The following KAZN variants were observed in gnomAD, a reference collection of about 807,000 sequenced individuals.
The protein encoded by KAZN is kazrin, periplakin interacting protein.
Under a neutral mutation model 87.4 loss-of-function variants are expected in KAZN, and 40 were observed. The observed-to-expected ratio is 0.46, with a 90% CI of 0.36 to 0.60. The LOEUF (loss-of-function observed/expected upper bound fraction) is 0.60, where lower values mean the gene tolerates loss of function less well. Ranked by LOEUF, KAZN falls within the 20% of genes least tolerant of loss-of-function variation. The pLI is 0.00. For synonymous variants in KAZN, 466 were observed against 458.3 expected, an observed-to-expected ratio of 1.02 and a Z score of -0.22; for missense variants, 898 against 1,073.9, an observed-to-expected ratio of 0.84 and a Z score of 2.29.
intron 1 of KAZN, among the ~76,000 whole-genome samples, chr1:14,647,078 G>A (rs942565595): frequency 1.3e-5 from 2 of 152,176 alleles, no homozygotes; most frequent in African/African-American, 2.4e-5. Flanking sequence ...ACAATAGGCC[G>A]ACATTTTACT....
intron 1 of KAZN, among the ~76,000 whole-genome samples, chr1:13,897,063 A>C (rs1294039095): frequency 6.6e-6 from 1 of 152,064 alleles, no homozygotes; most frequent in Non-Finnish European, 1.5e-5. Flanking sequence ...TGTGAGCTTC[A>C]AACCAAAGGT....
chr1:14,688,482 G>A (rs1348044697), intron 1 of KAZN, among the ~76,000 whole-genome samples: 1 of 152,260 alleles, frequency 6.6e-6, no homozygotes, highest in Admixed American at 6.5e-5. Context: ...AGACATCAAG[G>A]AGGATAAAAT....
intron 2 of KAZN, among the ~76,000 whole-genome samples, chr1:14,569,319 G>GTTTTTTTTTTT (rs1557806268): frequency 1.4e-5 from 1 of 73,306 alleles, no homozygotes; most frequent in African/African-American, 5.8e-5. Context: ...TACTTCCTCT[G>GTTTTTTTTTTT]CTTTTTTTTT....
intron 2 of KAZN, among the ~76,000 whole-genome samples, chr1:14,485,893 A>G (rs1669328250): frequency 9.0e-6 from 1 of 111,134 alleles, no homozygotes; most frequent in African/African-American, 3.9e-5. Flanking sequence ...ACTCCATCTC[A>G]AAAAAAAAAA....
intron 1 of KAZN, among the ~76,000 whole-genome samples, chr1:14,055,161 A>G (rs1642497862): frequency 6.6e-6 from 1 of 152,198 alleles, no homozygotes; most frequent in African/African-American, 2.4e-5. Context: ...AGAGTAAGTT[A>G]TTTAATTTGT....
At chr1:14,214,176 T>C (rs138723559) in intron 2 of KAZN, among the ~76,000 whole-genome samples, 82 of 152,326 alleles carry the variant, frequency 5.4e-4, no homozygotes, top group African/African-American at 1.9e-3. Flanking sequence ...TCATCAAAGA[T>C]GTGAATATAA....
chr1:14,571,056 A>T lies in KAZN; in HGVS notation c.250-27927A>T, dbSNP rs1024749859. ...ACGACTTTTCCATGCCCCGACCTCA[A>T]CGGAATGACCTCCCTAACCTTGGCT... On this transcript the variant is annotated intron_variant, in intron 2 of 16. Transcript: ENST00000636203. 2.1e-4 allele frequency among the ~76,000 whole-genome samples: 32 copies of T among 152,096 alleles called. 1 individual carries two copies. Among genetic ancestry groups the T allele is most frequent in the Non-Finnish European group, 2.9e-5 (2 of 68,030 alleles).
At chr1:14,772,461 G>A (rs1028616823) in intron 1 of KAZN, among the ~76,000 whole-genome samples, 1 of 151,890 alleles carries the variant, frequency 6.6e-6, no homozygotes, top group Admixed American at 6.6e-5. Context: ...TCTAGCCTGG[G>A]TGACAGAGTG....
At chr1:14,405,837 G>A (rs556148587) in intron 2 of KAZN, among the ~76,000 whole-genome samples, 1 of 151,880 alleles carries the variant, frequency 6.6e-6, no homozygotes, top group African/African-American at 2.4e-5. Flanking sequence ...AAGCAGTCAG[G>A]CAGGAGGCAT....
intron 1 of KAZN, among the ~76,000 whole-genome samples, chr1:14,123,241 G>A (rs909901116): frequency 2.0e-5 from 3 of 152,178 alleles, no homozygotes; most frequent in Admixed American, 2.0e-4. Context: ...TACATAAAAT[G>A]AAACACACAG....
intron 1 of KAZN, among the ~76,000 whole-genome samples, chr1:14,957,491 G>A (rs75132665): frequency 1.3e-5 from 2 of 152,344 alleles, no homozygotes; most frequent in East Asian, 3.9e-4. Flanking sequence ...ATATGCGATT[G>A]GGCCCCGCTC....
chr1:14,533,327 T>C (rs1672315423), intron 2 of KAZN, among the ~76,000 whole-genome samples: 2 of 152,180 alleles, frequency 1.3e-5, no homozygotes, highest in Admixed American at 1.3e-4. Context: ...GTCTAGCAAC[T>C]AGAGACAGAA....
chr1:13,998,039 C>G (rs942374940), intron 1 of KAZN, among the ~76,000 whole-genome samples: 1 of 152,216 alleles, frequency 6.6e-6, no homozygotes, highest in Non-Finnish European at 1.5e-5. Context: ...TCAGGAGAAA[C>G]TCTGCAAGTC....
At chr1:14,639,756 C>G (rs373363867) in intron 1 of KAZN, among the ~76,000 whole-genome samples, 2 of 152,310 alleles carry the variant, frequency 1.3e-5, no homozygotes, top group African/African-American at 4.8e-5. Context: ...CTCGTGGCTA[C>G]TGAACACTCA....
chr1:14,626,829 T>C (rs899708935), intron 1 of KAZN, among the ~76,000 whole-genome samples: 2 of 152,184 alleles, frequency 1.3e-5, no homozygotes, highest in Admixed American at 6.5e-5. Context: ...TTCTCAAGGT[T>C]GTTCATGCTG....
At chr1:13,900,192 A>G (rs1267429419) in intron 1 of KAZN, among the ~76,000 whole-genome samples, 1 of 152,110 alleles carries the variant, frequency 6.6e-6, no homozygotes, top group African/African-American at 2.4e-5. Flanking sequence ...CAGTGGGGAA[A>G]ACAACTTATT....
intron 1 of KAZN, among the ~76,000 whole-genome samples, chr1:13,970,994 C>A (rs1443876999): frequency 6.6e-6 from 1 of 152,128 alleles, no homozygotes; most frequent in African/African-American, 2.4e-5. Flanking sequence ...TGCCCCAAAC[C>A]ACCCAAAACT....
chr1:14,551,692 T>C (rs1455565066), intron 2 of KAZN, among the ~76,000 whole-genome samples: 1 of 152,158 alleles, frequency 6.6e-6, no homozygotes, highest in Non-Finnish European at 1.5e-5. Flanking sequence ...GTGAAGCGAT[T>C]CACAGATTTG....
At chr1:14,571,835 G>C (rs1177926994) in intron 2 of KAZN, among the ~76,000 whole-genome samples, 3 of 152,190 alleles carry the variant, frequency 2.0e-5, no homozygotes, top group Admixed American at 1.3e-4. Flanking sequence ...GGATGGCAGG[G>C]AAGGAGAGGC....
Sources: gnomAD v4.1 joint callset for allele counts (sites outside exome capture counted in the v4.1 genomes callset) on GRCh38, gnomAD v4.1.1 for gene constraint, MANE v1.5 for transcripts, NCBI Gene and HGNC (gene_info 2026-07-23, HGNC 2026-07-21) for gene names.